Variants in KANSL1L observed in about 807,000 individuals in gnomAD.
KANSL1L encodes KAT8 regulatory NSL complex subunit 1 like, also known as KAT8 regulatory NSL complex subunit 1-like protein.
In KANSL1L, 25 loss-of-function variants were observed where a neutral mutation model predicts 108.6. The observed-to-expected ratio is 0.23, with a 90% CI of 0.17 to 0.32. The LOEUF (loss-of-function observed/expected upper bound fraction) is 0.32. Among genes scored for constraint, KANSL1L ranks in the 10% least tolerant of loss-of-function variants. KANSL1L has a pLI of 1.00. For missense variants in KANSL1L, 1,137 were observed against 1,125.7 expected (o/e 1.01, Z -0.14); for synonymous variants, 405 against 395.1 (o/e 1.03, Z -0.30).
chr2:210,154,642 A>G, intron 1 of KANSL1L, 31 bp from the exon 2 acceptor site: 1 of 1,336,858 alleles, frequency 7.5e-7, no homozygotes, highest in South Asian at 2.5e-5. Flanking sequence ...ATGGTCAAAT[A>G]TCTAGAAAAA....
chr2:210,115,449 T>G (rs1418039184), intron 3 of KANSL1L, among the ~76,000 whole-genome samples: 1 of 152,182 alleles, frequency 6.6e-6, no homozygotes, highest in African/African-American at 2.4e-5. Flanking sequence ...GTTGAGATAC[T>G]GAAACTCAAA....
At chr2:210,030,528 CCAGT>C (rs2094002353) in intron 9 of KANSL1L, among the ~76,000 whole-genome samples, 2 of 127,496 alleles carry the variant, frequency 1.6e-5, no homozygotes, top group Non-Finnish European at 3.4e-5. Flanking sequence ...GTTTTGGTTC[CCAGT>C]TACTGTGTGT....
intron 6 of KANSL1L, among the ~76,000 whole-genome samples, chr2:210,053,074 A>G (rs980905922): frequency 2.0e-5 from 3 of 152,218 alleles, no homozygotes; most frequent in Non-Finnish European, 4.4e-5. Context: ...TATGCTCATC[A>G]ATATGAAAGG....
intron 5 of KANSL1L, among the ~76,000 whole-genome samples, chr2:210,093,141 CTGT>C (rs201744572): frequency 1.3e-5 from 2 of 151,896 alleles, no homozygotes; most frequent in African/African-American, 2.4e-5. Flanking sequence ...TTCATTTTTG[CTGT>C]TGTTGTTGTT....
At chr2:210,073,544 GA>G (rs539705546) in intron 6 of KANSL1L, among the ~76,000 whole-genome samples, 5 of 147,210 alleles carry the variant, frequency 3.4e-5, no homozygotes, top group Non-Finnish European at 6.0e-5. Flanking sequence ...AAATGGAAAA[GA>G]AAAAAAAAAC....
chr2:210,062,288 C>A (rs766892989), intron 6 of KANSL1L, among the ~76,000 whole-genome samples: 1 of 152,190 alleles, frequency 6.6e-6, no homozygotes, highest in Non-Finnish European at 1.5e-5. Context: ...TCACCTTGTG[C>A]GGTGATTGTG....
At chr2:210,089,124 A>G (rs2094667896) in intron 5 of KANSL1L, 1 of 152,350 alleles carries the variant, frequency 6.6e-6, no homozygotes. Context: ...ATTAAGTTCA[A>G]TACCACCCAA....
chr2:210,029,448 G>A (rs1220181976), intron 10 of KANSL1L, among the ~76,000 whole-genome samples: 1 of 151,708 alleles, frequency 6.6e-6, no homozygotes, highest in Non-Finnish European at 1.5e-5. Flanking sequence ...TCCCTGGCCA[G>A]ATAACAAAAA....
At chr2:210,073,808 G>C (rs987800226) in intron 6 of KANSL1L, among the ~76,000 whole-genome samples, 13 of 140,846 alleles carry the variant, frequency 9.2e-5, no homozygotes, top group African/African-American at 3.7e-4. Flanking sequence ...CACACACACA[G>C]TTCCAATTCT....
At chr2:210,061,263 A>G (rs1202171957) in intron 6 of KANSL1L, among the ~76,000 whole-genome samples, 2 of 152,206 alleles carry the variant, frequency 1.3e-5, no homozygotes, top group East Asian at 3.8e-4. Flanking sequence ...CCGCTTCTAT[A>G]GAAAGTGTAT....
At chr2:210,040,260 C>A in intron 8 of KANSL1L, 160 bp downstream of exon 8, 1 of 543,044 alleles carries the variant, frequency 1.8e-6, no homozygotes, top group South Asian at 3.0e-5. Flanking sequence ...TAAGATTGTT[C>A]TTGTATTTTA....
chr2:210,123,250 T>C (rs531928490), intron 3 of KANSL1L, among the ~76,000 whole-genome samples: 1 of 152,182 alleles, frequency 6.6e-6, no homozygotes, highest in Non-Finnish European at 1.5e-5. Flanking sequence ...ATGGCAGCAG[T>C]ATTCACAATA....
chr2:210,024,162 C>A lies in KANSL1L; in HGVS notation c.2604G>T (p.Leu868Phe). Residue 868 changes from leucine to phenylalanine, a missense_variant, in exon 14 of 15, where the codon TTG (leucine) becomes TTT (phenylalanine). Around this residue, in one of 3 missense-constraint regions of KANSL1L, gnomAD observed 575 missense variants for 567.1 expected, o/e 1.01. Transcript: ENST00000281772. ...TACTGAAGTTATTAGGGTATTCTTT[C>A]AAAAGCAAGTCCTGTCCTTCAACAT... ...SKNVEGQDLL[L>F]KEYPNNFSSS... 1 of 1,605,100 alleles carries A rather than the reference C, an allele frequency of 6.2e-7. No homozygotes were observed. Among genetic ancestry groups the A allele is most frequent in the Admixed American group, 1.7e-5 (1 of 58,648 alleles).
intron 4 of KANSL1L, among the ~76,000 whole-genome samples, chr2:210,102,077 G>C (rs1273018212): frequency 6.6e-6 from 1 of 152,068 alleles, no homozygotes; most frequent in Non-Finnish European, 1.5e-5. Flanking sequence ...TTTTTGTCAG[G>C]TTTGGCAAAG....
intron 1 of KANSL1L, among the ~76,000 whole-genome samples, chr2:210,164,491 A>G (rs2095376696): frequency 6.6e-6 from 1 of 152,134 alleles, no homozygotes; most frequent in South Asian, 2.1e-4. Flanking sequence ...CTACTAAAAT[A>G]CTTTATTATA....
At chr2:210,041,979 C>T in intron 7 of KANSL1L, among the ~76,000 whole-genome samples, 1 of 152,130 alleles carries the variant, frequency 6.6e-6, no homozygotes, top group Non-Finnish European at 1.5e-5. Flanking sequence ...CTTTAAAATG[C>T]TCCTTAAACA....
intron 2 of KANSL1L, among the ~76,000 whole-genome samples, chr2:210,148,632 T>C (rs2095281773): frequency 6.6e-6 from 1 of 152,254 alleles, no homozygotes; most frequent in Non-Finnish European, 1.5e-5. Flanking sequence ...AACCAAAAGT[T>C]ATTATTAAAG....
intron 3 of KANSL1L, among the ~76,000 whole-genome samples, chr2:210,127,337 A>T (rs1394647879): frequency 6.6e-6 from 1 of 152,088 alleles, no homozygotes; most frequent in East Asian, 1.9e-4. Flanking sequence ...AAACTATAAA[A>T]CTCTAAGAAG....
chr2:210,064,708 C>G (rs1310352720), intron 6 of KANSL1L, among the ~76,000 whole-genome samples: 3 of 150,620 alleles, frequency 2.0e-5, no homozygotes, highest in African/African-American at 7.3e-5. Context: ...ACTTGGGAGG[C>G]TGAGGTGGGA....
Sources: allele counts gnomAD v4.1 joint callset (sites outside exome capture counted in the v4.1 genomes callset), GRCh38; gene constraint gnomAD v4.1.1; regional missense constraint gnomAD v4.1.1; transcripts MANE v1.5; gene names NCBI Gene and HGNC (gene_info 2026-07-23, HGNC 2026-07-21).